Variants in CFAP54 observed in about 807,000 individuals in gnomAD.
CFAP54 encodes cilia and flagella associated protein 54.
A neutral mutation model predicts 370.4 loss-of-function variants in CFAP54; 290 were observed. That is an observed-to-expected ratio of 0.78 (90% CI 0.71 to 0.86). CFAP54 has a LOEUF of 0.86. Ranked by LOEUF, CFAP54 falls within the 40% of genes least tolerant of loss-of-function variation. The pLI, the probability that CFAP54 is intolerant of heterozygous loss-of-function variation, is 0.00. For missense variants in CFAP54, 3,399 were observed against 3,528.7 expected (o/e 0.96, Z 0.93); for synonymous variants, 1,206 against 1,236.5 (o/e 0.98, Z 0.52).
At chr12:96,532,044 T>C (rs1365620742) in intron 9 of CFAP54, among the ~76,000 whole-genome samples, 1 of 152,216 alleles carries the variant, frequency 6.6e-6, no homozygotes, top group African/African-American at 2.4e-5. Flanking sequence ...TGATGTACTT[T>C]ATACATTGAA....
chr12:96,578,349 A>G (rs1311552690), intron 20 of CFAP54, among the ~76,000 whole-genome samples: 2 of 152,194 alleles, frequency 1.3e-5, no homozygotes, highest in Non-Finnish European at 2.9e-5. Flanking sequence ...CTGTGCTATG[A>G]CAGATGCATT....
rs560544721 is a variant in CFAP54 at position 96,826,664 on chromosome 12, A to G, written c.9097-2350A>G. 2.3e-3 allele frequency among the ~76,000 whole-genome samples: 251 copies of G among 109,108 alleles called. 7 individuals are homozygous for G. The East Asian group carries it at 0.058, about 25-fold the overall frequency. The allele number at this position is 109,108 out of a possible 152,430, so 71.6% of individuals were successfully genotyped here. A position where few individuals can be genotyped will look rare whatever the true frequency, so the allele number is the denominator to read the frequency against. ...ATAGTATATATTAAATATATTATAT[A>G]TAAATATATAATATATAATATATTA... On this transcript the variant is annotated intron_variant, in intron 65 of 67. Transcript: ENST00000524981.
chr12:96,807,719 A>C (rs1303865613), intron 63 of CFAP54, among the ~76,000 whole-genome samples: 1 of 152,180 alleles, frequency 6.6e-6, no homozygotes, highest in Non-Finnish European at 1.5e-5. Flanking sequence ...TTAGGCAAAT[A>C]CTGGCTGGGA....
intron 66 of CFAP54, among the ~76,000 whole-genome samples, chr12:96,854,457 G>A (rs1959643604): frequency 6.6e-6 from 1 of 152,022 alleles, no homozygotes; most frequent in Non-Finnish European, 1.5e-5. Context: ...AAGTAATTCT[G>A]GCAATAAATG....
intron 51 of CFAP54, among the ~76,000 whole-genome samples, chr12:96,740,922 C>A (rs1366329889): frequency 6.6e-6 from 1 of 152,156 alleles, no homozygotes; most frequent in South Asian, 2.1e-4. Context: ...ATCTACAGGA[C>A]AGCCCTCCAC....
intron 33 of CFAP54, chr12:96,645,098 G>A (rs1459062815): frequency 8.8e-6 from 4 of 455,110 alleles, no homozygotes; most frequent in Non-Finnish European, 1.8e-5. Context: ...ATTTCATAGA[G>A]GCGTACTTTA....
chr12:96,572,692 G>A (rs1266389180), intron 19 of CFAP54, among the ~76,000 whole-genome samples: 9 of 152,160 alleles, frequency 5.9e-5, no homozygotes, highest in Non-Finnish European at 1.0e-4. Flanking sequence ...TGAATCTGTG[G>A]TTCCCAGTTC....
intron 50 of CFAP54, among the ~76,000 whole-genome samples, chr12:96,727,386 A>C (rs1358559636): frequency 6.0e-5 from 9 of 149,004 alleles, no homozygotes; most frequent in Non-Finnish European, 1.3e-4. Flanking sequence ...TATATTTAGG[A>C]TAGTTAGCGC....
chr12:96,507,238 G>T (rs774272179), intron 4 of CFAP54, 139 bp downstream of exon 4: 2 of 702,628 alleles, frequency 2.8e-6, no homozygotes, highest in Non-Finnish European at 4.3e-6. Flanking sequence ...TTCAACATTC[G>T]TGTGACATGT....
chr12:96,544,985 C>G (rs1210025942), intron 14 of CFAP54, among the ~76,000 whole-genome samples: 1 of 151,944 alleles, frequency 6.6e-6, no homozygotes, highest in Non-Finnish European at 1.5e-5. Flanking sequence ...GATCTTGGCT[C>G]ACTGCAGCCT....
At chr12:96,848,204 G>T (rs1959413804) in intron 66 of CFAP54, among the ~76,000 whole-genome samples, 1 of 151,950 alleles carries the variant, frequency 6.6e-6, no homozygotes, top group Non-Finnish European at 1.5e-5. Context: ...AGCCTCCCGA[G>T]TAGTTGGCAT....
chr12:96,765,281 C>T (rs1244428755), intron 60 of CFAP54, 63 bp downstream of exon 60: 2 of 1,323,268 alleles, frequency 1.5e-6, no homozygotes. Context: ...AATCAAGTTT[C>T]AAAGATTTAA....
At chr12:96,588,148 C>G (rs1956090382) in intron 22 of CFAP54, among the ~76,000 whole-genome samples, 1 of 152,050 alleles carries the variant, frequency 6.6e-6, no homozygotes, top group South Asian at 2.1e-4. Flanking sequence ...TGTTTCTTTT[C>G]ATTTTTTTTT....
At chr12:96,824,952 C>T (rs1458050359) in intron 65 of CFAP54, among the ~76,000 whole-genome samples, 2 of 151,914 alleles carry the variant, frequency 1.3e-5, no homozygotes, top group Non-Finnish European at 2.9e-5. Context: ...TTCCTATACA[C>T]ACCTGCAATG....
intron 29 of CFAP54, among the ~76,000 whole-genome samples, chr12:96,626,501 T>G (rs890396483): frequency 6.6e-6 from 1 of 152,002 alleles, no homozygotes; most frequent in East Asian, 1.9e-4. Context: ...AAAATTAGGA[T>G]TACTAGTTAT....
intron 40 of CFAP54, among the ~76,000 whole-genome samples, chr12:96,680,185 A>C (rs1957254919): frequency 6.6e-6 from 1 of 152,224 alleles, no homozygotes; most frequent in South Asian, 2.1e-4. Context: ...AAGCATCAAC[A>C]AGATTTCTTA....
At chr12:96,516,124 C>T (rs1281402499) in intron 5 of CFAP54, among the ~76,000 whole-genome samples, 3 of 137,634 alleles carry the variant, frequency 2.2e-5, no homozygotes, top group African/African-American at 5.5e-5. Context: ...ACCTTGTTAG[C>T]CAGGATGGTC....
chr12:96,683,757 G>A (rs1004716339), intron 40 of CFAP54, among the ~76,000 whole-genome samples: 11 of 151,748 alleles, frequency 7.2e-5, no homozygotes. Flanking sequence ...ATCCCAGAAT[G>A]CATGCATTCA....
intron 32 of CFAP54, among the ~76,000 whole-genome samples, chr12:96,639,446 C>T (rs947950979): frequency 6.6e-6 from 1 of 152,048 alleles, no homozygotes; most frequent in Non-Finnish European, 1.5e-5. Flanking sequence ...AATAGCTTAC[C>T]AACCAAAAAA....
Sources: gnomAD v4.1 joint callset for allele counts (sites outside exome capture counted in the v4.1 genomes callset) on GRCh38, gnomAD v4.1.1 for gene constraint, MANE v1.5 for transcripts, NCBI Gene and HGNC (gene_info 2026-07-23, HGNC 2026-07-21) for gene names.